Variants in ADAT2 observed in about 807,000 individuals in gnomAD.
ADAT2 encodes adenosine deaminase tRNA specific 2.
A neutral mutation model predicts 25.9 loss-of-function variants in ADAT2; 26 were observed. That is an observed-to-expected ratio of 1.00 (90% CI 0.74 to 1.39). ADAT2 has a LOEUF of 1.39. Ranked by LOEUF, ADAT2 falls within the 40% of genes most tolerant of loss-of-function variation. ADAT2 has a pLI of 0.00. For missense variants in ADAT2, 220 were observed against 244.8 expected (o/e 0.90, Z 0.68); for synonymous variants, 76 against 86.8 (o/e 0.88, Z 0.69).
At chr6:143,431,639 C>T (rs1465555810) in intron 4 of ADAT2, among the ~76,000 whole-genome samples, 1 of 152,166 alleles carries the variant, frequency 6.6e-6, no homozygotes, top group Non-Finnish European at 1.5e-5. Flanking sequence ...AACTCAAGAA[C>T]GTTTTAAAAA....
At chr6:143,443,992 G>A (rs1022693782) in intron 1 of ADAT2, among the ~76,000 whole-genome samples, 1 of 152,108 alleles carries the variant, frequency 6.6e-6, no homozygotes. Flanking sequence ...CGAGTGGAAA[G>A]GACGTGAGTG....
chr6:143,438,772 G>A, intron 1 of ADAT2, 78 bp from the exon 2 acceptor site: 1 of 1,182,792 alleles, frequency 8.5e-7, no homozygotes, highest in Non-Finnish European at 1.3e-6. Flanking sequence ...GATGCAGCAT[G>A]AACAAGATAC....
At position 143,423,566 on chromosome 6, in the gene ADAT2, T is replaced by A. The variant is rs1778841490; in HGVS notation, c.*4897A>T. ...AATTCAGGACTACAGTGATAGGTTT[T>A]AAAACTATCGCAGGTTTTAAAACTA... On this transcript the variant is annotated 3_prime_UTR_variant, in exon 6 of 6. Coordinates refer to ENST00000237283, the MANE Select transcript of ADAT2 (RefSeq NM_182503.3). 1 of 152,220 alleles carries A rather than the reference T, an allele frequency of 6.6e-6. No homozygotes were observed. Among genetic ancestry groups the A allele is most frequent in the Admixed American group, 6.5e-5 (1 of 15,290 alleles). The allele number at this position is 152,220 out of a possible 1,614,324, so 9.4% of individuals were successfully genotyped here.
In ADAT2 at chr6:143,428,155, C is replaced by G. The variant is rs768999493; in HGVS notation, c.*308G>C. 3.1e-6 allele frequency: 1 copy of G among 321,542 alleles called. No homozygotes were observed. The highest frequency in any genetic ancestry group is 5.7e-6 in the Non-Finnish European group (1 of 174,726). The allele number at this position is 321,542 out of a possible 1,614,324, so 19.9% of individuals were successfully genotyped here. ...CCACACATTCTCTAAGAAGTCAGCA[C>G]TTGCCTGGACTGGGCACTTGTGGCT... is the stretch of plus-strand genomic sequence containing the variant. On this transcript the variant is annotated 3_prime_UTR_variant, in exon 6 of 6. Transcript: ENST00000237283. This position sits in a 1 kb window ranked among gnomAD's most constrained non-coding sequence, Gnocchi z 5.0.
In ADAT2 at chr6:143,428,551, C is replaced by G. The variant is rs1361197382; in HGVS notation, c.533-45G>C. ...GAAAAAGAAAATGAAGAGGTAAGCTCATAGCAGATTCTCTTTGTATGGATT... is the reference window on the plus strand; with the variant it reads ...GAAAAAGAAAATGAAGAGGTAAGCTGATAGCAGATTCTCTTTGTATGGATT... On this transcript the variant is annotated intron_variant, in intron 5 of 5. Coordinates refer to ENST00000237283, the MANE Select transcript of ADAT2 (RefSeq NM_182503.3). The surrounding 1 kb of genome is among the most constrained non-coding windows in gnomAD (Gnocchi z 5.0). The G allele has an allele frequency of 6.2e-7, 1 of 1,612,444 alleles. No homozygotes were observed. The highest frequency in any genetic ancestry group is 1.7e-5 in the Admixed American group (1 of 60,000).
At position 143,426,300 on chromosome 6, in the gene ADAT2, T is replaced by C. The variant is rs1376144201; in HGVS notation, c.*2163A>G. The stretch of plus-strand genomic sequence containing the variant: ...AATGACCTCAACATATATCCATAAT[T>C]CCTCACTGTCACTTGGAAATTGCTA... On this transcript the variant is annotated 3_prime_UTR_variant, in exon 6 of 6. Transcript: ENST00000237283. The surrounding 1 kb of genome is among the most constrained non-coding windows in gnomAD (Gnocchi z 4.1). 6.6e-6 allele frequency: 1 copy of C among 152,202 alleles called. No homozygotes were observed. The highest frequency in any genetic ancestry group is 2.4e-5 in the African/African-American group (1 of 41,456). The allele number at this position is 152,202 out of a possible 1,614,324, so 9.4% of individuals were successfully genotyped here. A position where few individuals can be genotyped will look rare whatever the true frequency, so the allele number is the denominator to read the frequency against.
At position 143,424,927 on chromosome 6, in the gene ADAT2, AG is replaced by A. The variant is rs1208353341; in HGVS notation, c.*3535del. Reference sequence around the variant, plus strand: ...GCTTATTCATTGCAACAGAGAAAAAAGGTAACTATATAGTGAAGGAATAGGA... The same window carrying A: ...GCTTATTCATTGCAACAGAGAAAAAAGTAACTATATAGTGAAGGAATAGGA... On this transcript the variant is annotated 3_prime_UTR_variant, in exon 6 of 6. Transcript: ENST00000237283. The surrounding 1 kb of genome is among the most constrained non-coding windows in gnomAD (Gnocchi z 4.8). 1 of 152,192 alleles carries A rather than the reference AG, an allele frequency of 6.6e-6. No homozygotes were observed. The highest frequency in any genetic ancestry group is 1.5e-5 in the Non-Finnish European group (1 of 68,032). The allele number at this position is 152,192 out of a possible 1,614,324, so 9.4% of individuals were successfully genotyped here.
rs1778941599 is a variant in ADAT2, at chr6:143,426,596, G to A, written c.*1867C>T. The A allele has an allele frequency of 1.3e-5, 2 of 152,172 alleles. No homozygotes were observed. Among genetic ancestry groups the A allele is most frequent in the Admixed American group, 6.5e-5 (1 of 15,280 alleles). The allele number at this position is 152,172 out of a possible 1,614,324, so 9.4% of individuals were successfully genotyped here. A position where few individuals can be genotyped will look rare whatever the true frequency, so the allele number is the denominator to read the frequency against. On this transcript the variant is annotated 3_prime_UTR_variant, in exon 6 of 6. Coordinates refer to ENST00000237283, the MANE Select transcript of ADAT2 (RefSeq NM_182503.3). This position sits in a 1 kb window ranked among gnomAD's most constrained non-coding sequence, Gnocchi z 4.1. ...AGCAAAGACGGAACATATGTATATTGTTAAGTCTTTTCTATCCTTCCCTGT... is the reference window on the plus strand; with the variant it reads ...AGCAAAGACGGAACATATGTATATTATTAAGTCTTTTCTATCCTTCCCTGT...
At position 143,434,188 on chromosome 6, in the gene ADAT2, T is replaced by A. The variant is rs1779199286; in HGVS notation, c.202-207A>T. On this transcript the variant is annotated intron_variant, in intron 2 of 5. Coordinates refer to ENST00000237283, the MANE Select transcript of ADAT2 (RefSeq NM_182503.3). The surrounding 1 kb of genome is among the most constrained non-coding windows in gnomAD (Gnocchi z 4.5). Reference sequence around the variant, plus strand: ...CTTGCGAAAGATATCTAATCAGAGATGCCACAGGAATCATGCTGTATTTTT... The same window carrying A: ...CTTGCGAAAGATATCTAATCAGAGAAGCCACAGGAATCATGCTGTATTTTT... Among the ~76,000 whole-genome samples, 1 of 152,180 alleles carries A rather than the reference T, an allele frequency of 6.6e-6. No homozygotes were observed. Among genetic ancestry groups the A allele is most frequent in the African/African-American group, 2.4e-5 (1 of 41,444 alleles).
In ADAT2 at chr6:143,426,769, A is replaced by T. The variant is rs1180407736; in HGVS notation, c.*1694T>A. On this transcript the variant is annotated 3_prime_UTR_variant, in exon 6 of 6. Coordinates refer to ENST00000237283, the MANE Select transcript of ADAT2 (RefSeq NM_182503.3). The surrounding 1 kb of genome is among the most constrained non-coding windows in gnomAD (Gnocchi z 4.1). ...TTTCAATCAGTAATTTCATTTAGCA[A>T]ATGTTTACCAAGAACCTACTGGACA... 2 of 152,118 alleles carry T rather than the reference A, an allele frequency of 1.3e-5. No homozygotes were observed. The highest frequency in any genetic ancestry group is 3.9e-4 in the East Asian group (2 of 5,188). 9.4% of individuals were successfully genotyped at this position (152,118 alleles called of 1,614,324 possible). A position where few individuals can be genotyped will look rare whatever the true frequency, so the allele number is the denominator to read the frequency against.
rs766585200 is a variant in ADAT2, at chr6:143,428,516, G to C, written c.533-10C>G. The C allele has an allele frequency of 3.7e-6, 6 of 1,613,734 alleles. No individual in the cohort carries two copies. Among genetic ancestry groups the C allele is most frequent in the Non-Finnish European group, 5.1e-6 (6 of 1,179,862 alleles). On this transcript the variant is annotated splice_polypyrimidine_tract_variant and intron_variant, in intron 5 of 5. Transcript: ENST00000237283. The surrounding 1 kb of genome is among the most constrained non-coding windows in gnomAD (Gnocchi z 5.0). ...ACTTTCGATTTTGGTGCTGTGAAAA[G>C]AATAGAAAAGAAAAAGAAAATGAAG...
chr6:143,428,059 G>A lies in ADAT2; in HGVS notation c.*404C>T, dbSNP rs1164381530. On this transcript the variant is annotated 3_prime_UTR_variant, in exon 6 of 6. Transcript: ENST00000237283. This position sits in a 1 kb window ranked among gnomAD's most constrained non-coding sequence, Gnocchi z 5.0. ...AAAATGAAGAATCTGATTCTGAAAT[G>A]CCAGTCCTGGAGAAGGTGTTCTCAG... The A allele has an allele frequency of 5.6e-6, 1 of 178,248 alleles. No individual in the cohort carries two copies. Among genetic ancestry groups the A allele is most frequent in the Non-Finnish European group, 1.2e-5 (1 of 83,462 alleles). 11.0% of individuals were successfully genotyped at this position (178,248 alleles called of 1,614,324 possible). A position where few individuals can be genotyped will look rare whatever the true frequency, so the allele number is the denominator to read the frequency against.
Position 143,434,173 on chromosome 6 carries a change from A to T in ADAT2, c.202-192T>A, listed in dbSNP as rs890924562. On this transcript the variant is annotated intron_variant, in intron 2 of 5. Transcript: ENST00000237283. This position sits in a 1 kb window ranked among gnomAD's most constrained non-coding sequence, Gnocchi z 4.5. ...AGTACCATAACCTCACTTGCGAAAG[A>T]TATCTAATCAGAGATGCCACAGGAA... 2.0e-5 allele frequency among the ~76,000 whole-genome samples: 3 copies of T among 152,218 alleles called. No homozygotes were observed. Among genetic ancestry groups the T allele is most frequent in the Admixed American group, 6.5e-5 (1 of 15,276 alleles).
rs1212373790 is a variant in ADAT2 at position 143,434,973 on chromosome 6, A to G, written c.202-992T>C. Among the ~76,000 whole-genome samples the G allele has an allele frequency of 6.6e-6, 1 of 152,142 alleles. No individual in the cohort carries two copies. The highest frequency in any genetic ancestry group is 1.5e-5 in the Non-Finnish European group (1 of 68,022). ...CTGGTAGGGCTCATTTACCTGTGAG[A>G]TAGGGCAGGGTATGAAAAGTGCTAG... On this transcript the variant is annotated intron_variant, in intron 2 of 5. Coordinates refer to ENST00000237283, the MANE Select transcript of ADAT2 (RefSeq NM_182503.3). The surrounding 1 kb of genome is among the most constrained non-coding windows in gnomAD (Gnocchi z 4.5).
At chr6:143,430,487 C>T (rs929104390) in intron 4 of ADAT2, among the ~76,000 whole-genome samples, 9 of 152,180 alleles carry the variant, frequency 5.9e-5, no homozygotes, top group African/African-American at 1.9e-4. Flanking sequence ...CCTAACACAC[C>T]AATATAATAT....
rs1235190676 is a variant in ADAT2, at chr6:143,428,875, C to G, written c.460-191G>C. Reference sequence around the variant, plus strand: ...TGATATATCATCTTTTTCATTACTCCCAATCAACTGTTATTAGGCATCACT... The same window carrying G: ...TGATATATCATCTTTTTCATTACTCGCAATCAACTGTTATTAGGCATCACT... On this transcript the variant is annotated intron_variant, in intron 4 of 5. Transcript: ENST00000237283. This position sits in a 1 kb window ranked among gnomAD's most constrained non-coding sequence, Gnocchi z 5.0. Among the ~76,000 whole-genome samples the G allele has an allele frequency of 1.3e-5, 2 of 152,100 alleles. No individual in the cohort carries two copies.
chr6:143,431,256 A>T (rs1487471330), intron 4 of ADAT2, among the ~76,000 whole-genome samples: 1 of 152,240 alleles, frequency 6.6e-6, no homozygotes, highest in African/African-American at 2.4e-5. Context: ...TGCATCGACT[A>T]CAAAGATGTG....
Position 143,440,611 on chromosome 6 carries a change from A to G in ADAT2, c.97-1917T>C, listed in dbSNP as rs1347224605. ...ACTATCCACAGGCCGGTTGTGTCCC[A>G]GTTCTGTGACAGTGGTTAAAGCATG... On this transcript the variant is annotated intron_variant, in intron 1 of 5. Transcript: ENST00000237283. The surrounding 1 kb of genome is among the most constrained non-coding windows in gnomAD (Gnocchi z 4.5). Among the ~76,000 whole-genome samples the G allele has an allele frequency of 6.6e-6, 1 of 152,204 alleles. No individual in the cohort carries two copies. The highest frequency in any genetic ancestry group is 1.5e-5 in the Non-Finnish European group (1 of 68,032).
chr6:143,428,902 C>T lies in ADAT2; in HGVS notation c.460-218G>A, dbSNP rs558858673. ...AATCAACTGTTATTAGGCATCACTC[C>T]CAATCAACTGTTATTCATCCATTAA... On this transcript the variant is annotated intron_variant, in intron 4 of 5. Transcript: ENST00000237283. This position sits in a 1 kb window ranked among gnomAD's most constrained non-coding sequence, Gnocchi z 5.0. 6.6e-6 allele frequency among the ~76,000 whole-genome samples: 1 copy of T among 152,274 alleles called. No homozygotes were observed. Among genetic ancestry groups the T allele is most frequent in the African/African-American group, 2.4e-5 (1 of 41,552 alleles).
Sources: gnomAD v4.1 joint callset for allele counts (sites outside exome capture counted in the v4.1 genomes callset) on GRCh38, gnomAD v4.1.1 for gene constraint, Gnocchi (gnomAD v3.1) non-coding constraint, MANE v1.5 for transcripts, NCBI Gene and HGNC (gene_info 2026-07-23, HGNC 2026-07-21) for gene names.